The following CCDC43 variants were observed in gnomAD, a reference collection of about 807,000 sequenced individuals.
CCDC43 encodes coiled-coil domain containing 43.
Under a neutral mutation model 33.3 loss-of-function variants are expected in CCDC43, and 20 were observed. The observed-to-expected ratio is 0.60, with a 90% CI of 0.42 to 0.87. CCDC43 has a LOEUF of 0.87. Ranked by LOEUF, CCDC43 falls within the 40% of genes least tolerant of loss-of-function variation. The probability of loss-of-function intolerance (pLI) is 0.00; values close to 1 mark genes in which losing one functional copy is unlikely to be tolerated. For missense variants in CCDC43, 248 were observed against 269.9 expected (o/e 0.92, Z 0.57); for synonymous variants, 104 against 106.5 (o/e 0.98, Z 0.14).
At chr17:44,685,877 T>A (rs571453917) in intron 1 of CCDC43, among the ~76,000 whole-genome samples, 5 of 152,306 alleles carry the variant, frequency 3.3e-5, no homozygotes, top group Admixed American at 2.6e-4. Context: ...AATAATGGAT[T>A]AAACACAATT....
intron 1 of CCDC43, chr17:44,688,856 C>T (rs2144699333): frequency 6.6e-6 from 1 of 152,360 alleles, no homozygotes; most frequent in South Asian, 2.1e-4. Flanking sequence ...GGGTGACTTA[C>T]TATGTAAACA....
intron 2 of CCDC43, among the ~76,000 whole-genome samples, chr17:44,682,689 C>G (rs1047464626): frequency 1.3e-5 from 2 of 152,082 alleles, no homozygotes; most frequent in African/African-American, 4.8e-5. Flanking sequence ...AACCCCGTCT[C>G]TACTAAAAAT....
chr17:44,682,251 T>C (rs566615426), intron 2 of CCDC43, 113 bp from the exon 3 acceptor site: 7 of 1,299,788 alleles, frequency 5.4e-6, no homozygotes, highest in Non-Finnish European at 7.6e-6. Flanking sequence ...GCTGCCTCCT[T>C]AGAGCCTGGC....
At chr17:44,679,250 G>A (rs1972122040) in intron 4 of CCDC43, among the ~76,000 whole-genome samples, 1 of 151,678 alleles carries the variant, frequency 6.6e-6, no homozygotes, top group Non-Finnish European at 1.5e-5. Flanking sequence ...ATGTCCTTTG[G>A]AATAAAACTC....
intron 1 of CCDC43, among the ~76,000 whole-genome samples, chr17:44,686,346 C>A (rs1407734853): frequency 2.0e-5 from 3 of 152,184 alleles, no homozygotes; most frequent in African/African-American, 7.2e-5. Flanking sequence ...ATGCTAGACA[C>A]ACAGAACTTC....
rs761179467 is a variant in CCDC43, at chr17:44,680,651, A to T, written c.429-8T>A. Reference sequence around the variant, plus strand: ...TCCTTCTCATCTGCTTCAGTAAGTGATGTTAAGGAAAGTCAGATGGAAAAC... The same window carrying T: ...TCCTTCTCATCTGCTTCAGTAAGTGTTGTTAAGGAAAGTCAGATGGAAAAC... On this transcript the variant is annotated splice_polypyrimidine_tract_variant and splice_region_variant and intron_variant, in intron 3 of 4. Coordinates refer to ENST00000315286, the MANE Select transcript of CCDC43 (RefSeq NM_144609.3). 1 of 1,601,994 alleles carries T rather than the reference A, an allele frequency of 6.2e-7. No homozygotes were observed. Among genetic ancestry groups the T allele is most frequent in the Admixed American group, 1.7e-5 (1 of 59,928 alleles).
intron 2 of CCDC43, among the ~76,000 whole-genome samples, chr17:44,682,665 G>A (rs769098516): frequency 1.9e-4 from 29 of 151,944 alleles, no homozygotes; most frequent in African/African-American, 6.8e-4. Context: ...AGACCATCCC[G>A]GCTAACACAG....
At chr17:44,689,491 G>A (rs1972290877) in intron 1 of CCDC43, 59 bp downstream of exon 1, 1 of 1,608,342 alleles carries the variant, frequency 6.2e-7, no homozygotes, top group South Asian at 1.1e-5. Flanking sequence ...AGGGTGCAAA[G>A]TACTGACAGG....
Position 44,682,138 on chromosome 17 carries a change from T to G in CCDC43, c.293A>C (p.Asp98Ala), listed in dbSNP as rs1328448248. Residue 98 changes from aspartate (D) to alanine (A), a missense_variant and splice_region_variant, in exon 3 of 5, where the codon GAT (aspartate) becomes GCT (alanine). Asp to Ala is a moderately radical substitution (Grantham distance 126, BLOSUM62 -2). Transcript: ENST00000315286. The part of the protein sequence containing the change: ...QNVVTKVKKE[D>A]EVQAIATLIE... ...TAGGGTGGCAATGGCCTGTACTTCA[T>G]CTGGGAGGTGGTGGAAGGAAGAACA... 6.2e-7 allele frequency: 1 copy of G among 1,613,848 alleles called. No individual in the cohort carries two copies. The highest frequency in any genetic ancestry group is 2.2e-5 in the East Asian group (1 of 44,882).
chr17:44,688,913 G>A (rs1211724162), intron 1 of CCDC43: 1 of 152,332 alleles, frequency 6.6e-6, no homozygotes, highest in African/African-American at 2.4e-5. Flanking sequence ...AACAGGCTAA[G>A]GACTAAGTTT....
intron 1 of CCDC43, among the ~76,000 whole-genome samples, chr17:44,684,441 T>C (rs1394912258): frequency 6.6e-6 from 1 of 152,164 alleles, no homozygotes; most frequent in Non-Finnish European, 1.5e-5. Context: ...CTTACGCCTG[T>C]AATCCCAGCA....
At chr17:44,683,650 A>G (rs1230973136) in intron 2 of CCDC43, among the ~76,000 whole-genome samples, 1 of 152,218 alleles carries the variant, frequency 6.6e-6, no homozygotes, top group East Asian at 1.9e-4. Flanking sequence ...AAAAAACCAC[A>G]ATGAAGAAAA....
intron 1 of CCDC43, among the ~76,000 whole-genome samples, chr17:44,685,569 A>T (rs190057157): frequency 4.3e-4 from 65 of 152,326 alleles, no homozygotes; most frequent in African/African-American, 1.4e-3. Flanking sequence ...CTGAGGATAA[A>T]TGAAAATGTA....
At chr17:44,682,391 T>TAA (rs67280453) in intron 2 of CCDC43, among the ~76,000 whole-genome samples, 10,146 of 100,704 alleles carry the variant, frequency 0.1, 561 homozygotes, top group East Asian at 0.14. Context: ...TCTGCTGCCT[T>TAA]AAAAAAAAAA....
Position 44,682,162 on chromosome 17 carries a change from C to T in CCDC43, c.293-24G>A, listed in dbSNP as rs367811139. ...ATCTGGGAGGTGGTGGAAGGAAGAA[C>T]AAGGTTGTATGAGAGAGAACAAGCT... is the stretch of plus-strand genomic sequence containing the variant. On this transcript the variant is annotated intron_variant, in intron 2 of 4. Transcript: ENST00000315286. 2.4e-5 allele frequency: 38 copies of T among 1,613,510 alleles called. No homozygotes were observed. The African/African-American group carries it at 4.5e-4, about 19-fold the overall frequency.
chr17:44,678,907 C>T lies in CCDC43; in HGVS notation c.624G>A (p.Glu208=), dbSNP rs201556465. 2.7e-5 allele frequency: 43 copies of T among 1,613,610 alleles called. No individual in the cohort carries two copies. In the Middle Eastern group the frequency reaches 4.9e-4, roughly 19 times the overall value. ...QRERDKLAKQ[E]RKEKEKKRTQ... ...TCCTTTTTTTTTCCTTTTCCTTGCG[C>T]TCCTGCTTGGCTAGTTTGTCTCTCT... The change falls in exon 5 of 5, where the codon GAG becomes GAA. Residue 208 remains glutamate (E), a synonymous_variant. Transcript: ENST00000315286.
intron 1 of CCDC43, 87 bp from the exon 2 acceptor site, chr17:44,684,046 C>CATGGAGAGCTGTGCTT: frequency 1.2e-6 from 1 of 807,862 alleles, no homozygotes; most frequent in Non-Finnish European, 2.1e-6. Flanking sequence ...GAAAGCACAG[C>CATGGAGAGCTGTGCTT]TCTCCATGCT....
chr17:44,677,950 CCA>C lies in CCDC43; in HGVS notation c.*904_*905del. The C allele has an allele frequency of 6.6e-6, 1 of 152,634 alleles. No individual in the cohort carries two copies. 9.5% of individuals were successfully genotyped at this position (152,634 alleles called of 1,614,324 possible). A position where few individuals can be genotyped will look rare whatever the true frequency, so the allele number is the denominator to read the frequency against. On this transcript the variant is annotated 3_prime_UTR_variant, in exon 5 of 5. Coordinates refer to ENST00000315286, the MANE Select transcript of CCDC43 (RefSeq NM_144609.3). ...GAGCTTCTGCTCACTTTTGACTCTCCCAGTTTTTCCATTCACTCATTCATTCA... is the reference window on the plus strand; with the variant it reads ...GAGCTTCTGCTCACTTTTGACTCTCCGTTTTTCCATTCACTCATTCATTCA...
At chr17:44,683,647 C>T (rs1007363625) in intron 2 of CCDC43, among the ~76,000 whole-genome samples, 7 of 151,876 alleles carry the variant, frequency 4.6e-5, no homozygotes, top group African/African-American at 1.7e-4. Flanking sequence ...AGTAAAAAAC[C>T]ACAATGAAGA....
Sources: allele counts gnomAD v4.1 joint callset (sites outside exome capture counted in the v4.1 genomes callset), GRCh38; gene constraint gnomAD v4.1.1; transcripts MANE v1.5; gene names NCBI Gene and HGNC (gene_info 2026-07-23, HGNC 2026-07-21).